Variants in PLEKHH1 observed in about 807,000 individuals in gnomAD.
PLEKHH1 encodes pleckstrin homology, MyTH4 and FERM domain containing H1, also known as pleckstrin homology domain-containing family H member 1.
In PLEKHH1, 104 loss-of-function variants were observed where a neutral mutation model predicts 160.0. The ratio of observed to expected loss-of-function variants is 0.65; its 90% confidence interval spans 0.55 to 0.76. The LOEUF is 0.76. Among genes scored for constraint, PLEKHH1 ranks in the 30% least tolerant of loss-of-function variants. PLEKHH1 has a pLI of 0.00. For missense variants in PLEKHH1, 1,427 were observed against 1,724.1 expected (o/e 0.83, Z 3.05); for synonymous variants, 619 against 678.4 (o/e 0.91, Z 1.36).
chr14:67,580,569 G>T (rs1238408374), intron 22 of PLEKHH1, among the ~76,000 whole-genome samples: 1 of 152,238 alleles, frequency 6.6e-6, no homozygotes, highest in Non-Finnish European at 1.5e-5. Context: ...CATCTGTGAG[G>T]CTTTGTTACA....
chr14:67,537,227 C>G lies in PLEKHH1; in HGVS notation c.-35+3829C>G, dbSNP rs528154411. Among the ~76,000 whole-genome samples the G allele has an allele frequency of 7.6e-4, 107 of 140,934 alleles. 2 individuals are homozygous for G. The highest frequency in any genetic ancestry group is 2.7e-3 in the African/African-American group (100 of 36,932). The allele number at this position is 140,934 out of a possible 152,430, so 92.5% of individuals were successfully genotyped here. On this transcript the variant is annotated intron_variant, in intron 1 of 28. Transcript: ENST00000329153. Reference sequence around the variant, plus strand: ...AGTGTGGTGGCATCCACCTGTAATCCCAGCTACTCAGGAGGCTGAGGCAGG... The same window carrying G: ...AGTGTGGTGGCATCCACCTGTAATCGCAGCTACTCAGGAGGCTGAGGCAGG...
intron 7 of PLEKHH1, among the ~76,000 whole-genome samples, chr14:67,567,544 C>T (rs1325823861): frequency 5.3e-5 from 8 of 152,102 alleles, no homozygotes; most frequent in African/African-American, 9.7e-5. Flanking sequence ...CTGCCCTACA[C>T]GAGCACAGAA....
chr14:67,569,317 G>T, intron 8 of PLEKHH1, 101 bp downstream of exon 8: 1 of 816,222 alleles, frequency 1.2e-6, no homozygotes. Flanking sequence ...GCCAGGGTTG[G>T]CTGGCCTACC....
In PLEKHH1 at chr14:67,574,454, G is replaced by T; in HGVS notation, c.2088+51G>T. The T allele has an allele frequency of 7.1e-7, 1 of 1,401,706 alleles. No individual in the cohort carries two copies. The highest frequency in any genetic ancestry group is 1.6e-5 in the South Asian group (1 of 63,780). 86.8% of individuals were successfully genotyped at this position (1,401,706 alleles called of 1,614,324 possible). On this transcript the variant is annotated intron_variant, in intron 14 of 28. Transcript: ENST00000329153. This position sits in a 1 kb window ranked among gnomAD's most constrained non-coding sequence, Gnocchi z 4.2. ...GAACATGTGCCTCCTGCGAATCAGG[G>T]GAGCCAGGATTGGGGTGCCGAGGGT... is the stretch of plus-strand genomic sequence containing the variant.
At chr14:67,545,329 A>C (rs2034133911) in intron 2 of PLEKHH1, among the ~76,000 whole-genome samples, 1 of 152,216 alleles carries the variant, frequency 6.6e-6, no homozygotes, top group African/African-American at 2.4e-5. Flanking sequence ...ATTCTGAATA[A>C]CTATGCGCTC....
intron 7 of PLEKHH1, among the ~76,000 whole-genome samples, chr14:67,567,900 A>G (rs986623037): frequency 1.3e-5 from 2 of 152,210 alleles, no homozygotes; most frequent in Admixed American, 6.5e-5. Context: ...TGGAGCAAAC[A>G]GATCCAGAAG....
intron 11 of PLEKHH1, 86 bp downstream of exon 11, chr14:67,572,363 C>T: frequency 2.0e-6 from 2 of 994,438 alleles, no homozygotes; most frequent in Non-Finnish European, 2.7e-6. Flanking sequence ...TAGGCAGTAG[C>T]TGCCTGAAGT....
rs1324885025 is a variant in PLEKHH1, at chr14:67,574,535, C to G, written c.2088+132C>G. ...CTCTGGGAGCCTCCTCACAGTGACT[C>G]GCTGGCCAGCCCTCAAACGTGGTCT... On this transcript the variant is annotated intron_variant, in intron 14 of 28. Coordinates refer to ENST00000329153, the MANE Select transcript of PLEKHH1 (RefSeq NM_020715.3). This position sits in a 1 kb window ranked among gnomAD's most constrained non-coding sequence, Gnocchi z 4.2. 1.4e-5 allele frequency: 9 copies of G among 663,378 alleles called. No homozygotes were observed. The highest frequency in any genetic ancestry group is 5.5e-5 in the African/African-American group (3 of 54,628). The allele number at this position is 663,378 out of a possible 1,614,324, so 41.1% of individuals were successfully genotyped here.
At chr14:67,586,832 G>C in intron 28 of PLEKHH1, 1 of 1,481,438 alleles carries the variant, frequency 6.8e-7, no homozygotes, top group Non-Finnish European at 9.0e-7. Flanking sequence ...CAGAACACTG[G>C]GCCTCCTTTT....
At chr14:67,586,390 G>A (rs2036164001) in intron 28 of PLEKHH1, 1 of 1,365,710 alleles carries the variant, frequency 7.3e-7, no homozygotes, top group Admixed American at 2.2e-5. Context: ...GCAGTCCTCA[G>A]TTGGGTGCTT....
chr14:67,536,574 C>T (rs1291526681), intron 1 of PLEKHH1, among the ~76,000 whole-genome samples: 1 of 151,784 alleles, frequency 6.6e-6, no homozygotes, highest in Non-Finnish European at 1.5e-5. Context: ...TATTTTGAGG[C>T]CTGTGGTGAC....
At position 67,557,301 on chromosome 14, in the gene PLEKHH1, CAATCT is replaced by C; in HGVS notation, c.223_227del (p.Asn75GlufsTer6). The C allele has an allele frequency of 6.2e-7, 1 of 1,613,572 alleles. No homozygotes were observed. Among genetic ancestry groups the C allele is most frequent in the Non-Finnish European group, 8.5e-7 (1 of 1,179,558 alleles). On this transcript the variant is annotated frameshift_variant, in exon 4 of 29. Coordinates refer to ENST00000329153, the MANE Select transcript of PLEKHH1 (RefSeq NM_020715.3). LOFTEE classifies it high-confidence loss of function. Reference sequence around the variant, plus strand: ...TCATGGAAGAGAAGGTAAAACTATCCAATCTGAAGAATGTGGACTCTGAGGGGAGC... The same window carrying C: ...TCATGGAAGAGAAGGTAAAACTATCCGAAGAATGTGGACTCTGAGGGGAGC...
At position 67,586,169 on chromosome 14, in the gene PLEKHH1, G is replaced by A. The variant is rs1246685094; in HGVS notation, c.3933+72G>A. On this transcript the variant is annotated intron_variant, in intron 28 of 28. Transcript: ENST00000329153. ...GGGCTTGGAGCTTAGAAAGGAAACT[G>A]GGGTTATGCTAGTGCTCTGCAAGGG... The A allele has an allele frequency of 3.3e-6, 5 of 1,537,632 alleles. No individual in the cohort carries two copies. The East Asian group carries it at 6.7e-5, about 21-fold the overall frequency.
At position 67,578,339 on chromosome 14, in the gene PLEKHH1, C is replaced by A; in HGVS notation, c.2751+140C>A. ...CTCTGTGCTCCAAGCTGCATCAGTA[C>A]GGCTGAGCTGTCTATGCACAGATGG... On this transcript the variant is annotated intron_variant, in intron 19 of 28. Transcript: ENST00000329153. The surrounding 1 kb of genome is among the most constrained non-coding windows in gnomAD (Gnocchi z 5.0). 1 of 805,052 alleles carries A rather than the reference C, an allele frequency of 1.2e-6. No individual in the cohort carries two copies. The highest frequency in any genetic ancestry group is 2.0e-6 in the Non-Finnish European group (1 of 491,146). 49.9% of individuals were successfully genotyped at this position (805,052 alleles called of 1,614,324 possible).
intron 2 of PLEKHH1, among the ~76,000 whole-genome samples, chr14:67,548,632 G>A (rs973020314): frequency 2.0e-5 from 3 of 152,246 alleles, no homozygotes; most frequent in African/African-American, 7.2e-5. Context: ...GGGAGGCAGA[G>A]GTTGCGGTGA....
chr14:67,542,069 G>C, intron 2 of PLEKHH1, 76 bp downstream of exon 2: 1 of 1,359,738 alleles, frequency 7.4e-7, no homozygotes. Flanking sequence ...GAGAGAGGGA[G>C]AGTTGCGGAA....
At chr14:67,584,751 T>A (rs2036067926) in intron 26 of PLEKHH1, among the ~76,000 whole-genome samples, 1 of 152,220 alleles carries the variant, frequency 6.6e-6, no homozygotes, top group African/African-American at 2.4e-5. Flanking sequence ...TCAGACACAG[T>A]CCTTGCCTTC....
chr14:67,577,442 C>T (rs777509587), intron 18 of PLEKHH1, 28 bp downstream of exon 18: 17 of 1,359,454 alleles, frequency 1.3e-5, no homozygotes, highest in South Asian at 1.2e-4. Context: ...CCAGGCCCAC[C>T]GCTGGGATAC....
At chr14:67,581,524 T>A (rs182477882) in intron 23 of PLEKHH1, 29 of 165,442 alleles carry the variant, frequency 1.8e-4, no homozygotes, top group Non-Finnish European at 3.6e-4. Context: ...AGACCCTGCC[T>A]CAAAAAAAAG....
Sources: allele counts gnomAD v4.1 joint callset (sites outside exome capture counted in the v4.1 genomes callset), GRCh38; gene constraint gnomAD v4.1.1; non-coding constraint Gnocchi (gnomAD v3.1); transcripts MANE v1.5; gene names NCBI Gene and HGNC (gene_info 2026-07-23, HGNC 2026-07-21).